Variants in TAFA5 observed in about 807,000 individuals in gnomAD.
TAFA5 encodes TAFA chemokine like family member 5, also known as chemokine-like protein TAFA-5.
TAFA5 carries 6 observed loss-of-function variants against 15.3 expected under a neutral mutation model. The observed-to-expected ratio is 0.39, with a 90% confidence interval of 0.21 to 0.77. The LOEUF is 0.77. TAFA5 is among the 30% of genes least tolerant of loss of function. TAFA5 has a pLI of 0.41. For missense variants in TAFA5, 161 were observed against 193.1 expected, an observed-to-expected ratio of 0.83 and a Z score of 0.98; for synonymous variants, 103 against 80.7, an observed-to-expected ratio of 1.28 and a Z score of -1.48.
chr22:48,699,371 G>A (rs1313464479), intron 2 of TAFA5, among the ~76,000 whole-genome samples: 11 of 152,020 alleles, frequency 7.2e-5, no homozygotes, highest in Admixed American at 6.6e-4. Flanking sequence ...ATAAACTGAG[G>A]CCTATTTAAA....
chr22:48,659,058 G>A (rs547340883), intron 2 of TAFA5, among the ~76,000 whole-genome samples: 1 of 152,360 alleles, frequency 6.6e-6, no homozygotes, highest in South Asian at 2.1e-4. Flanking sequence ...AGAGTCCGGG[G>A]CAAGTCTCCG....
chr22:48,739,160 G>A (rs957634295), intron 3 of TAFA5, among the ~76,000 whole-genome samples: 1 of 152,178 alleles, frequency 6.6e-6, no homozygotes, highest in Non-Finnish European at 1.5e-5. Context: ...GTTTCTGGAA[G>A]CTTCTAGGAA....
intron 2 of TAFA5, among the ~76,000 whole-genome samples, chr22:48,670,194 G>A (rs1319439726): frequency 3.9e-5 from 6 of 152,218 alleles, no homozygotes; most frequent in Non-Finnish European, 8.8e-5. Context: ...TTCTGTAATC[G>A]GCTGCTAATG....
At chr22:48,505,080 G>T (rs1920980896) in intron 1 of TAFA5, among the ~76,000 whole-genome samples, 1 of 152,204 alleles carries the variant, frequency 6.6e-6, no homozygotes, top group South Asian at 2.1e-4. Flanking sequence ...TCTCAGGAGG[G>T]ACCTGCTGAA....
chr22:48,740,409 GAC>G (rs1393641688), intron 3 of TAFA5, among the ~76,000 whole-genome samples: 2 of 152,188 alleles, frequency 1.3e-5, no homozygotes, highest in African/African-American at 2.4e-5. Flanking sequence ...TTGCAGATAA[GAC>G]ACAGCAATAG....
At position 48,619,167 on chromosome 22, in the gene TAFA5, C is replaced by A. The variant is rs559364921; in HGVS notation, c.113-27430C>A. On this transcript the variant is annotated intron_variant, in intron 1 of 3. Coordinates refer to ENST00000402357, the MANE Select transcript of TAFA5 (RefSeq NM_001082967.3). ...TTTCTTCCTCTTCTGAGTGCAGCCACGACATGCCACATCTCTGCCCATGGT... is the reference window on the plus strand; with the variant it reads ...TTTCTTCCTCTTCTGAGTGCAGCCAAGACATGCCACATCTCTGCCCATGGT... Among the ~76,000 whole-genome samples the A allele has an allele frequency of 2.6e-5, 4 of 152,298 alleles. No individual in the cohort carries two copies. In the East Asian group the frequency reaches 7.7e-4, roughly 29 times the overall value.
chr22:48,718,592 T>TG (rs1929475736), intron 3 of TAFA5, among the ~76,000 whole-genome samples: 1 of 151,880 alleles, frequency 6.6e-6, no homozygotes, highest in South Asian at 2.1e-4. Context: ...TACCAGAGCA[T>TG]CTCTGGTACT....
At chr22:48,638,017 G>C (rs930145349) in intron 1 of TAFA5, among the ~76,000 whole-genome samples, 1 of 152,090 alleles carries the variant, frequency 6.6e-6, no homozygotes, top group African/African-American at 2.4e-5. Context: ...TGAGGACATA[G>C]TGCAAGGGGC....
At chr22:48,732,870 C>T (rs1929907562) in intron 3 of TAFA5, among the ~76,000 whole-genome samples, 2 of 152,186 alleles carry the variant, frequency 1.3e-5, no homozygotes, top group Admixed American at 6.5e-5. Context: ...CCATCAGCAT[C>T]GCGGCAAGAC....
At chr22:48,666,723 C>T (rs1927629082) in intron 2 of TAFA5, among the ~76,000 whole-genome samples, 1 of 152,222 alleles carries the variant, frequency 6.6e-6, no homozygotes, top group Non-Finnish European at 1.5e-5. Context: ...CCTGAAACCC[C>T]TTGTCGGAGC....
At chr22:48,728,848 G>A (rs1028201531) in intron 3 of TAFA5, among the ~76,000 whole-genome samples, 2 of 152,080 alleles carry the variant, frequency 1.3e-5, no homozygotes, top group Non-Finnish European at 2.9e-5. Flanking sequence ...ATAAAAATGT[G>A]GTTTTACTTC....
Position 48,598,885 on chromosome 22 carries a change from C to T in TAFA5, c.113-47712C>T, listed in dbSNP as rs1264390865. Among the ~76,000 whole-genome samples the T allele has an allele frequency of 6.6e-6, 1 of 152,170 alleles. No homozygotes were observed. Among genetic ancestry groups the T allele is most frequent in the Non-Finnish European group, 1.5e-5 (1 of 68,032 alleles). Reference sequence around the variant, plus strand: ...AATATAAGTCAGGGGGTTTCCACCACCCTCTCCTGGCATTCCGTCATTTGC... The same window carrying T: ...AATATAAGTCAGGGGGTTTCCACCATCCTCTCCTGGCATTCCGTCATTTGC... On this transcript the variant is annotated intron_variant, in intron 1 of 3. Coordinates refer to ENST00000402357, the MANE Select transcript of TAFA5 (RefSeq NM_001082967.3). The surrounding 1 kb of genome is among the most constrained non-coding windows in gnomAD (Gnocchi z 4.0).
At chr22:48,597,623 T>G (rs28559930) in intron 1 of TAFA5, among the ~76,000 whole-genome samples, 6,883 of 152,308 alleles carry the variant, frequency 0.045, 411 homozygotes, top group East Asian at 0.16. Flanking sequence ...CGTTCCCCTC[T>G]GGCTGGCTCA....
intron 2 of TAFA5, among the ~76,000 whole-genome samples, chr22:48,687,264 G>A (rs1256346368): frequency 6.6e-6 from 1 of 151,074 alleles, no homozygotes; most frequent in Non-Finnish European, 1.5e-5. Context: ...TGGATGGGTG[G>A]GTGGATGAAT....
chr22:48,651,856 G>T (rs765042560), intron 2 of TAFA5, among the ~76,000 whole-genome samples: 15 of 152,146 alleles, frequency 9.9e-5, no homozygotes, highest in Non-Finnish European at 1.8e-4. Flanking sequence ...CCACGTACAG[G>T]AGTCTGGAGA....
intron 1 of TAFA5, among the ~76,000 whole-genome samples, chr22:48,644,703 G>C (rs562618233): frequency 4.6e-5 from 7 of 152,332 alleles, no homozygotes; most frequent in African/African-American, 1.7e-4. Context: ...CAGAGGAGGG[G>C]CCGTCTAAGG....
At chr22:48,553,817 G>A (rs1444839053) in intron 1 of TAFA5, among the ~76,000 whole-genome samples, 4 of 152,150 alleles carry the variant, frequency 2.6e-5, no homozygotes, top group African/African-American at 9.7e-5. Context: ...TTTGCTGGGA[G>A]GGCTTGTCAA....
Position 48,741,619 on chromosome 22 carries a change from AG to A in TAFA5, c.391-8219del, listed in dbSNP as rs149283936. 2.0e-3 allele frequency among the ~76,000 whole-genome samples: 304 copies of A among 152,250 alleles called. 2 individuals carry two copies. The highest frequency in any genetic ancestry group is 6.5e-3 in the African/African-American group (270 of 41,554). On this transcript the variant is annotated intron_variant, in intron 3 of 3. Transcript: ENST00000402357. ...CCTTGGGGTCCAGGGTCCTGATTCA[AG>A]AGAACCCTGTCTTTCTAAGAAGAGG...
intron 1 of TAFA5, among the ~76,000 whole-genome samples, chr22:48,555,786 G>C (rs1437175462): frequency 6.6e-6 from 1 of 152,172 alleles, no homozygotes; most frequent in Non-Finnish European, 1.5e-5. Context: ...CATCGGGCAA[G>C]ATACGGGGGT....
Sources: gnomAD v4.1 joint callset for allele counts (sites outside exome capture counted in the v4.1 genomes callset) on GRCh38, gnomAD v4.1.1 for gene constraint, Gnocchi (gnomAD v3.1) non-coding constraint, MANE v1.5 for transcripts, NCBI Gene and HGNC (gene_info 2026-07-23, HGNC 2026-07-21) for gene names.